The following EP400 variants were observed in gnomAD, a reference collection of about 807,000 sequenced individuals.
EP400 encodes the protein E1A binding protein p400, also known as E1A-binding protein p400.
In EP400, 105 loss-of-function variants were observed where a neutral mutation model predicts 354.1. That is an observed-to-expected ratio of 0.30 (90% CI 0.25 to 0.35). The LOEUF is 0.35. Ranked by LOEUF, EP400 falls within the 10% of genes least tolerant of loss-of-function variation. EP400 has a pLI of 1.00. For synonymous variants in EP400, 1,646 were observed against 1,716.9 expected, an observed-to-expected ratio of 0.96 and a Z score of 1.02; for missense variants, 3,280 against 4,121.0, an observed-to-expected ratio of 0.80 and a Z score of 5.59.
In EP400 at chr12:131,961,528, C is replaced by T. The variant is rs776325758; in HGVS notation, c.909C>T (p.Pro303=). The part of the protein sequence containing the change: ...GFERTPGVLL[P]GAGGAAGFGM... ...AGAGGACACCCGGCGTGCTGCTCCC[C>T]GGGGCTGGGGGCGCAGCGGGGTTTG... is the stretch of plus-strand genomic sequence containing the variant. The change falls in exon 2 of 53, where the codon CCC becomes CCT. Residue 303 remains proline (P), a synonymous_variant. Coordinates refer to ENST00000389561, the MANE Select transcript of EP400 (RefSeq NM_015409.5). The T allele has an allele frequency of 1.8e-5, 28 of 1,573,058 alleles. No homozygotes were observed. The highest frequency in any genetic ancestry group is 9.1e-5 in the Admixed American group (5 of 54,876).
rs1895267083 is a variant in EP400 at position 132,050,933 on chromosome 12, A to C, written c.7394+278A>C. 1.9e-6 allele frequency: 1 copy of C among 537,900 alleles called. No individual in the cohort carries two copies. The highest frequency in any genetic ancestry group is 3.3e-6 in the Non-Finnish European group (1 of 300,330). The allele number at this position is 537,900 out of a possible 1,614,324, so 33.3% of individuals were successfully genotyped here. The stretch of plus-strand genomic sequence containing the variant: ...CAGATGTGATGAGTGTGCCAGGGCC[A>C]TGTGGCCAACCACAAGGGGCTTTCT... On this transcript the variant is annotated intron_variant, in intron 41 of 52. Transcript: ENST00000389561. The surrounding 1 kb of genome is among the most constrained non-coding windows in gnomAD (Gnocchi z 4.8).
Position 132,062,701 on chromosome 12 carries a change from G to T in EP400, c.8334G>T (p.Pro2778=). 1 of 1,613,322 alleles carries T rather than the reference G, an allele frequency of 6.2e-7. No homozygotes were observed. Among genetic ancestry groups the T allele is most frequent in the Non-Finnish European group, 8.5e-7 (1 of 1,179,286 alleles). ...TCAAAGCTGTGGGCAAGCTGACGCCGGTGAGCATTTCCCAGAGGACCATGA... is the reference window on the plus strand; with the variant it reads ...TCAAAGCTGTGGGCAAGCTGACGCCTGTGAGCATTTCCCAGAGGACCATGA... ...AQIKAVGKLT[P]EHLIKMQKQK... is the part of the protein sequence containing the mutation. The change falls in exon 47 of 53, where the codon CCG becomes CCT. Residue 2778 remains proline, a splice_region_variant and synonymous_variant. Transcript: ENST00000389561.
At position 132,027,481 on chromosome 12, in the gene EP400, G is replaced by C; in HGVS notation, c.5059G>C (p.Glu1687Gln). 6.2e-7 allele frequency: 1 copy of C among 1,613,966 alleles called. No individual in the cohort carries two copies. The highest frequency in any genetic ancestry group is 8.5e-7 in the Non-Finnish European group (1 of 1,180,012). ...RVAVNALAVG[E>Q]PGTASKPASP... ...GGCGGTGAATGCCTTGGCTGTAGGA[G>C]AACCCGGAACGGCCTCCAAACCAGC... Residue 1687 changes from glutamate (E) to glutamine (Q), a missense_variant, in exon 26 of 53, where the codon GAA (glutamate) becomes CAA (glutamine). Transcript: ENST00000389561. The surrounding 1 kb of genome is among the most constrained non-coding windows in gnomAD (Gnocchi z 4.9).
chr12:132,029,559 C>A lies in EP400; in HGVS notation c.5382-142C>A. The A allele has an allele frequency of 2.2e-6, 2 of 918,148 alleles. No individual in the cohort carries two copies. The highest frequency in any genetic ancestry group is 3.3e-6 in the Non-Finnish European group (2 of 604,640). The allele number at this position is 918,148 out of a possible 1,614,324, so 56.9% of individuals were successfully genotyped here. A position where few individuals can be genotyped will look rare whatever the true frequency, so the allele number is the denominator to read the frequency against. On this transcript the variant is annotated intron_variant, in intron 27 of 52. Coordinates refer to ENST00000389561, the MANE Select transcript of EP400 (RefSeq NM_015409.5). This position sits in a 1 kb window ranked among gnomAD's most constrained non-coding sequence, Gnocchi z 4.7. ...GGGCCCCTGCCCGTGTGCCAACACC[C>A]ACATCCCCATGTGACTGGGTTGAGC...
chr12:132,060,896 G>A (rs1490614566), intron 45 of EP400, among the ~76,000 whole-genome samples: 4 of 142,740 alleles, frequency 2.8e-5, no homozygotes, highest in African/African-American at 5.3e-5. Flanking sequence ...CCTGGGCAAC[G>A]AGAGCAAGAC....
intron 12 of EP400, among the ~76,000 whole-genome samples, chr12:131,996,440 C>T (rs1384208718): frequency 6.6e-6 from 1 of 151,732 alleles, no homozygotes; most frequent in Non-Finnish European, 1.5e-5. Flanking sequence ...TACAGCCGCC[C>T]GCCACCACGC....
chr12:132,010,420 AT>A (rs1439054829), intron 15 of EP400, among the ~76,000 whole-genome samples: 2 of 151,250 alleles, frequency 1.3e-5, no homozygotes, highest in Non-Finnish European at 2.9e-5. Context: ...GTCCTGTTAT[AT>A]TTTTTTCTTT....
intron 5 of EP400, among the ~76,000 whole-genome samples, chr12:131,985,515 C>T (rs1255701375): frequency 6.6e-6 from 1 of 152,250 alleles, no homozygotes; most frequent in African/African-American, 2.4e-5. Context: ...AGCCTTCACT[C>T]AGCCCACCTT....
rs777074971 is a variant in EP400, at chr12:132,064,973, G to A, written c.8553+87G>A. 1.7e-4 allele frequency: 252 copies of A among 1,508,532 alleles called. 1 individual carries two copies. The highest frequency in any genetic ancestry group is 9.4e-4 in the Middle Eastern group (4 of 4,242). The allele number at this position is 1,508,532 out of a possible 1,614,324, so 93.4% of individuals were successfully genotyped here. On this transcript the variant is annotated intron_variant, in intron 48 of 52. Coordinates refer to ENST00000389561, the MANE Select transcript of EP400 (RefSeq NM_015409.5). ...TTGCGCTTGCTCAGGTGCGTGTCAC[G>A]TGTTACAGGAGTGAGTGTGAGACGG...
chr12:132,014,169 T>C (rs1275490605), intron 19 of EP400, among the ~76,000 whole-genome samples: 1 of 152,198 alleles, frequency 6.6e-6, no homozygotes, highest in Non-Finnish European at 1.5e-5. Context: ...TAGGGTGGTG[T>C]CCTGGTGCTG....
In EP400 at chr12:132,018,142, C is replaced by G; in HGVS notation, c.4111-68C>G. On this transcript the variant is annotated intron_variant, in intron 20 of 52. Transcript: ENST00000389561. The surrounding 1 kb of genome is among the most constrained non-coding windows in gnomAD (Gnocchi z 4.0). ...CACGTTAGGGCCCTGCCATAGAAAT[C>G]AGTTTTGATTCTTAGGTGCTTTTTT... 1 of 1,586,572 alleles carries G rather than the reference C, an allele frequency of 6.3e-7. No homozygotes were observed. Among genetic ancestry groups the G allele is most frequent in the Non-Finnish European group, 8.5e-7 (1 of 1,169,706 alleles).
chr12:131,978,514 C>A (rs977369293), intron 2 of EP400, among the ~76,000 whole-genome samples: 2 of 152,130 alleles, frequency 1.3e-5, no homozygotes, highest in African/African-American at 4.8e-5. Flanking sequence ...TGGCTTCTTT[C>A]ATTTTTTGTT....
intron 1 of EP400, among the ~76,000 whole-genome samples, chr12:131,950,434 G>A (rs961859023): frequency 2.0e-5 from 3 of 152,178 alleles, no homozygotes; most frequent in Non-Finnish European, 4.4e-5. Flanking sequence ...GCTTGCGTGG[G>A]CTTCCCTCGG....
rs11246913 is a variant in EP400 at position 132,075,373 on chromosome 12, G to C, written c.9022-1143G>C. On this transcript the variant is annotated intron_variant, in intron 51 of 52. Transcript: ENST00000389561. This position sits in a 1 kb window ranked among gnomAD's most constrained non-coding sequence, Gnocchi z 4.5. ...GCTCCGTGACTCGTGATGCCCGCCTGTGCTTAGGTTTGGAGACTGGCAGTT... is the reference window on the plus strand; with the variant it reads ...GCTCCGTGACTCGTGATGCCCGCCTCTGCTTAGGTTTGGAGACTGGCAGTT... Among the ~76,000 whole-genome samples, 17,051 of 152,184 alleles carry C rather than the reference G, an allele frequency of 0.11. 1,593 individuals are homozygous for C. The highest frequency in any genetic ancestry group is 0.53 in the East Asian group (2,742 of 5,140).
At chr12:132,020,857 G>A (rs537703557) in intron 22 of EP400, among the ~76,000 whole-genome samples, 3 of 152,318 alleles carry the variant, frequency 2.0e-5, no homozygotes, top group South Asian at 4.1e-4. Context: ...AATGTACCGC[G>A]TAGCGTACTG....
Position 132,053,234 on chromosome 12 carries a change from C to T in EP400, c.7473+10C>T. On this transcript the variant is annotated intron_variant, in intron 42 of 52. Coordinates refer to ENST00000389561, the MANE Select transcript of EP400 (RefSeq NM_015409.5). ...CGCAAAAGAGAAAAAGGTCAGCGCCCTGGGCCCTTCTGCTTGAGTGGGAAA... is the reference window on the plus strand; with the variant it reads ...CGCAAAAGAGAAAAAGGTCAGCGCCTTGGGCCCTTCTGCTTGAGTGGGAAA... The T allele has an allele frequency of 6.2e-7, 1 of 1,613,446 alleles. No individual in the cohort carries two copies. The highest frequency in any genetic ancestry group is 8.5e-7 in the Non-Finnish European group (1 of 1,179,952).
At chr12:132,014,140 C>T (rs938388584) in intron 19 of EP400, among the ~76,000 whole-genome samples, 5 of 152,266 alleles carry the variant, frequency 3.3e-5, no homozygotes, top group African/African-American at 1.2e-4. Flanking sequence ...AGCCCCACTC[C>T]TGTGTAGCTG....
At chr12:132,004,902 C>CT (rs1893529711) in intron 12 of EP400, among the ~76,000 whole-genome samples, 175 bp from the exon 13 acceptor site, 1 of 152,176 alleles carries the variant, frequency 6.6e-6, no homozygotes, top group African/African-American at 2.4e-5. Context: ...AACAAGTGTG[C>CT]TTTTAGACAA....
rs1408774538 is a variant in EP400, at chr12:132,017,133, A to G, written c.3924-402A>G. ...CCTGGGTCCTCGTCTACCCCCGCTC[A>G]CTGCCTGCAGGGCCAGTGTAGGACC... On this transcript the variant is annotated intron_variant, in intron 19 of 52. Transcript: ENST00000389561. This position sits in a 1 kb window ranked among gnomAD's most constrained non-coding sequence, Gnocchi z 5.0. Among the ~76,000 whole-genome samples, 1 of 152,162 alleles carries G rather than the reference A, an allele frequency of 6.6e-6. No homozygotes were observed. Among genetic ancestry groups the G allele is most frequent in the Non-Finnish European group, 1.5e-5 (1 of 68,048 alleles).
Sources: allele counts gnomAD v4.1 joint callset (sites outside exome capture counted in the v4.1 genomes callset), GRCh38; gene constraint gnomAD v4.1.1; non-coding constraint Gnocchi (gnomAD v3.1); transcripts MANE v1.5; gene names NCBI Gene and HGNC (gene_info 2026-07-23, HGNC 2026-07-21).